The following SPATA1 variants were observed in gnomAD, a reference collection of about 807,000 sequenced individuals.
The protein encoded by SPATA1 is spermatogenesis-associated protein 1.
A neutral mutation model predicts 59.6 loss-of-function variants in SPATA1; 57 were observed. The ratio of observed to expected loss-of-function variants is 0.96; its 90% CI spans 0.77 to 1.19. The LOEUF is 1.19. Ranked by LOEUF, SPATA1 falls within the 50% of genes most tolerant of loss-of-function variation. The pLI, the probability that SPATA1 is intolerant of heterozygous loss-of-function variation, is 0.00. For missense variants in SPATA1, 448 were observed against 480.7 expected (o/e 0.93, Z 0.64); for synonymous variants, 147 against 163.9 (o/e 0.90, Z 0.79).
chr1:84,559,375 C>T (rs1343962201), downstream of SPATA1, among the ~76,000 whole-genome samples: 1 of 152,170 alleles, frequency 6.6e-6, no homozygotes, highest in African/African-American at 2.4e-5. Flanking sequence ...AATGCCAACA[C>T]TTTGGAAGGC....
chr1:84,558,281 C>T (rs891963776), downstream of SPATA1, among the ~76,000 whole-genome samples: 9 of 150,344 alleles, frequency 6.0e-5, no homozygotes, highest in African/African-American at 2.0e-4. Context: ...ATAATTTTTG[C>T]CTGCCATTAA....
At chr1:84,536,436 G>C (rs979564445) in intron 8 of SPATA1, among the ~76,000 whole-genome samples, 35 of 152,152 alleles carry the variant, frequency 2.3e-4, no homozygotes, top group Admixed American at 1.3e-4. Context: ...GTTAAGAGGA[G>C]ATTTATATCC....
chr1:84,551,317 A>T (rs1447879403), intron 12 of SPATA1: 8 of 961,726 alleles, frequency 8.3e-6, no homozygotes, highest in Admixed American at 6.2e-5. Context: ...TTTTAAAAAA[A>T]TTTTAAAAAG....
At chr1:84,512,784 T>A (rs890071789) in intron 1 of SPATA1, among the ~76,000 whole-genome samples, 1 of 152,228 alleles carries the variant, frequency 6.6e-6, no homozygotes, top group Non-Finnish European at 1.5e-5. Flanking sequence ...GATGTAGCCT[T>A]GGGATCCTAC....
chr1:84,518,445 C>A (rs1445712990), intron 2 of SPATA1, among the ~76,000 whole-genome samples: 1 of 151,956 alleles, frequency 6.6e-6, no homozygotes, highest in Admixed American at 6.6e-5. Context: ...GTCCTGTTTA[C>A]TTTGAATATT....
intron 8 of SPATA1, among the ~76,000 whole-genome samples, chr1:84,543,868 GA>G (rs541749539): frequency 5.9e-5 from 9 of 151,956 alleles, no homozygotes; most frequent in East Asian, 5.8e-4. Flanking sequence ...GACTCAAGAT[GA>G]AAAAAATATT....
chr1:84,509,644 T>TA (rs1351265553), intron 1 of SPATA1, among the ~76,000 whole-genome samples: 1 of 152,218 alleles, frequency 6.6e-6, no homozygotes, highest in East Asian at 1.9e-4. Flanking sequence ...CACATGCCTG[T>TA]AGTCGCAGCT....
chr1:84,561,041 TATTA>T (rs751851685), intron 4 of SPATA1, among the ~76,000 whole-genome samples: 7 of 152,212 alleles, frequency 4.6e-5, no homozygotes, highest in Non-Finnish European at 7.3e-5. Flanking sequence ...TTTTAACTCT[TATTA>T]ATTAAGAAAT....
exon 4 of SPATA1, chr1:84,522,422 G>A (rs772655503): frequency 2.6e-5 from 39 of 1,507,154 alleles, no homozygotes; most frequent in Non-Finnish European, 3.5e-5. Flanking sequence ...CGAGCCCTGA[G>A]GGAGCGTCTT....
chr1:84,513,904 C>T (rs1401544134), intron 1 of SPATA1, among the ~76,000 whole-genome samples: 1 of 145,374 alleles, frequency 6.9e-6, no homozygotes, highest in Admixed American at 6.9e-5. Context: ...TGCAGTGGCA[C>T]GATCTCGGCT....
rs554344789 is a variant in SPATA1 at position 84,524,704 on chromosome 1, T to C, written c.262-992T>C. On this transcript the variant is annotated intron_variant, in intron 4 of 12. Transcript: ENST00000490879. Reference sequence around the variant, plus strand: ...TGATTTTCACATAGCTGGCTGTTTCTTTTCATAATTCAGGACTTAGCTCAA... The same window carrying C: ...TGATTTTCACATAGCTGGCTGTTTCCTTTCATAATTCAGGACTTAGCTCAA... 1.6e-4 allele frequency among the ~76,000 whole-genome samples: 24 copies of C among 152,336 alleles called. No individual in the cohort carries two copies. The East Asian group carries it at 3.9e-3, about 24-fold the overall frequency.
chr1:84,539,120 G>C (rs1325052857), intron 8 of SPATA1, among the ~76,000 whole-genome samples: 1 of 152,102 alleles, frequency 6.6e-6, no homozygotes, highest in Non-Finnish European at 1.5e-5. Context: ...TTTAATGTCT[G>C]TCCAGATTAT....
chr1:84,521,221 T>C (rs879912631), intron 3 of SPATA1, among the ~76,000 whole-genome samples: 12 of 152,042 alleles, frequency 7.9e-5, no homozygotes, highest in Non-Finnish European at 1.6e-4. Flanking sequence ...AAACTGCTGA[T>C]CTGAGAATAG....
At chr1:84,557,322 C>T (rs1417749000), downstream of SPATA1, among the ~76,000 whole-genome samples, 2 of 151,982 alleles carry the variant, frequency 1.3e-5, no homozygotes, top group African/African-American at 4.8e-5. Context: ...CACCTGAGGT[C>T]AGGAGTTCAA....
At chr1:84,550,773 T>G in intron 12 of SPATA1, 1 of 1,060,424 alleles carries the variant, frequency 9.4e-7, no homozygotes, top group Non-Finnish European at 1.1e-6. Context: ...TAGGAAGAAT[T>G]AAAGGAAAAG....
At chr1:84,555,195 G>A, downstream of SPATA1, 2 of 1,609,278 alleles carry the variant, frequency 1.2e-6, no homozygotes, top group Non-Finnish European at 1.7e-6. Flanking sequence ...GTGGCCAGCA[G>A]GATCCTATAT....
At chr1:84,532,796 C>T (rs1024937707) in intron 6 of SPATA1, 64 bp from the exon 7 acceptor site, 211 of 1,149,532 alleles carry the variant, frequency 1.8e-4, no homozygotes, top group South Asian at 4.6e-4. Flanking sequence ...TAAAAACAAA[C>T]GTTTATTTTA....
chr1:84,563,674 CAG>C (rs1281131191), intron 4 of SPATA1: 3 of 1,004,656 alleles, frequency 3.0e-6, no homozygotes, highest in African/African-American at 1.7e-5. Flanking sequence ...CTAATGAAAA[CAG>C]AGAGACTCTA....
intron 8 of SPATA1, among the ~76,000 whole-genome samples, chr1:84,535,104 G>A (rs549768799): frequency 1.3e-4 from 20 of 152,208 alleles, no homozygotes; most frequent in African/African-American, 4.8e-4. Context: ...TACACCATTT[G>A]TTAAGACTTT....
Sources: allele counts gnomAD v4.1 joint callset (sites outside exome capture counted in the v4.1 genomes callset), GRCh38; gene constraint gnomAD v4.1.1; transcripts MANE v1.5; gene names NCBI Gene and HGNC (gene_info 2026-07-23, HGNC 2026-07-21).